LMNTD1: variants seen among roughly 807,000 people sequenced by gnomAD.
LMNTD1 encodes the protein lamin tail domain containing 1, also known as lamin tail domain-containing protein 1.
In LMNTD1, 35 loss-of-function variants were observed where a neutral mutation model predicts 50.9. The ratio of observed to expected loss-of-function variants is 0.69; its 90% CI spans 0.53 to 0.91. The LOEUF (loss-of-function observed/expected upper bound fraction) is 0.91, where lower values mean the gene tolerates loss of function less well. LMNTD1 is among the 40% of genes least tolerant of loss of function. LMNTD1 has a pLI of 0.00. For missense variants in LMNTD1, 470 were observed against 475.5 expected (o/e 0.99, Z 0.11); for synonymous variants, 153 against 161.9 (o/e 0.94, Z 0.42).
intron 8 of LMNTD1, among the ~76,000 whole-genome samples, chr12:25,511,206 C>G (rs1474542922): frequency 6.6e-6 from 1 of 151,958 alleles, no homozygotes; most frequent in Non-Finnish European, 1.5e-5. Context: ...AGCCCTGGCT[C>G]AAAGATACTT....
At chr12:25,639,243 G>C (rs781169159) in intron 1 of LMNTD1, among the ~76,000 whole-genome samples, 3 of 152,146 alleles carry the variant, frequency 2.0e-5, no homozygotes, top group African/African-American at 4.8e-5. Flanking sequence ...AATTGTTGTG[G>C]CTTTGAGTTG....
chr12:25,637,090 A>T (rs1448031621), intron 1 of LMNTD1, among the ~76,000 whole-genome samples: 1 of 152,194 alleles, frequency 6.6e-6, no homozygotes, highest in Admixed American at 6.5e-5. Context: ...ACCACTAAAA[A>T]ACTTGCTCAT....
intron 1 of LMNTD1, among the ~76,000 whole-genome samples, chr12:25,573,554 T>C (rs1235431885): frequency 6.6e-6 from 1 of 152,110 alleles, no homozygotes; most frequent in Non-Finnish European, 1.5e-5. Context: ...CAGGGAAAGA[T>C]GAAAAAACTG....
chr12:25,612,330 G>GCA (rs1484675078), intron 1 of LMNTD1, among the ~76,000 whole-genome samples: 7 of 110,088 alleles, frequency 6.4e-5, no homozygotes, highest in East Asian at 1.0e-3. Context: ...ACACACACAC[G>GCA]CGCTCCCACT....
At chr12:25,507,077 T>C (rs896698193) in intron 8 of LMNTD1, among the ~76,000 whole-genome samples, 5 of 152,036 alleles carry the variant, frequency 3.3e-5, no homozygotes, top group African/African-American at 1.2e-4. Flanking sequence ...GGTTTCACCA[T>C]GTTGGCCAGG....
intron 1 of LMNTD1, among the ~76,000 whole-genome samples, chr12:25,570,888 G>A (rs1327283105): frequency 6.6e-6 from 1 of 152,178 alleles, no homozygotes; most frequent in East Asian, 1.9e-4. Context: ...GGTCCTCTTT[G>A]TTAGTTCAGT....
chr12:25,571,540 T>A (rs1944796950), intron 1 of LMNTD1, among the ~76,000 whole-genome samples: 1 of 152,050 alleles, frequency 6.6e-6, no homozygotes, highest in Non-Finnish European at 1.5e-5. Context: ...ATGTTTTATA[T>A]TTTTAGTAGA....
At chr12:25,620,167 CTG>C (rs985382206) in intron 1 of LMNTD1, among the ~76,000 whole-genome samples, 3 of 152,216 alleles carry the variant, frequency 2.0e-5, no homozygotes, top group African/African-American at 4.8e-5. Flanking sequence ...CCAGAAGAAA[CTG>C]TGTTTTCCCA....
At chr12:25,565,227 A>G (rs186470985) in intron 1 of LMNTD1, among the ~76,000 whole-genome samples, 95 of 151,010 alleles carry the variant, frequency 6.3e-4, no homozygotes, top group African/African-American at 2.3e-3. Flanking sequence ...CTGCCATTTT[A>G]TGTTTTTTTT....
At chr12:25,574,879 T>G (rs1455012636) in intron 1 of LMNTD1, among the ~76,000 whole-genome samples, 1 of 152,142 alleles carries the variant, frequency 6.6e-6, no homozygotes, top group Non-Finnish European at 1.5e-5. Context: ...ACTCACAAAT[T>G]ACATCTTGAT....
At chr12:25,505,598 T>C (rs1939701327) in intron 8 of LMNTD1, among the ~76,000 whole-genome samples, 1 of 152,064 alleles carries the variant, frequency 6.6e-6, no homozygotes, top group Non-Finnish European at 1.5e-5. Flanking sequence ...AATTATTACT[T>C]TTGAATATAC....
chr12:25,483,786 AAG>A (rs1938522891), intron 9 of LMNTD1, among the ~76,000 whole-genome samples: 1 of 145,076 alleles, frequency 6.9e-6, no homozygotes, highest in East Asian at 2.0e-4. Context: ...AAAAAAAAAA[AAG>A]AATGCATAGT....
intron 6 of LMNTD1, 113 bp downstream of exon 6, chr12:25,525,985 GA>G (rs1941678053): frequency 1.5e-6 from 1 of 667,186 alleles, no homozygotes; most frequent in African/African-American, 1.9e-5. Context: ...CAATTTTACT[GA>G]CATTTATGCA....
At chr12:25,513,108 C>T (rs905461207) in intron 8 of LMNTD1, among the ~76,000 whole-genome samples, 1 of 152,140 alleles carries the variant, frequency 6.6e-6, no homozygotes, top group African/African-American at 2.4e-5. Flanking sequence ...GAACATTCCC[C>T]CAAATTTGTG....
chr12:25,519,823 G>T, intron 7 of LMNTD1, 35 bp downstream of exon 7: 1 of 1,379,732 alleles, frequency 7.2e-7, no homozygotes, highest in South Asian at 1.2e-5. Context: ...TTGTGGGAAG[G>T]ACCCATTAAA....
chr12:25,610,312 G>A (rs889546428), intron 1 of LMNTD1, among the ~76,000 whole-genome samples: 4 of 152,076 alleles, frequency 2.6e-5, no homozygotes, highest in Non-Finnish European at 2.9e-5. Flanking sequence ...GCAATATCCC[G>A]TCCTGCTTCA....
At chr12:25,506,480 T>C (rs1236590788) in intron 8 of LMNTD1, among the ~76,000 whole-genome samples, 3 of 152,152 alleles carry the variant, frequency 2.0e-5, no homozygotes, top group African/African-American at 4.8e-5. Flanking sequence ...CAAAATACTA[T>C]CTTCAGACTA....
intron 8 of LMNTD1, 50 bp downstream of exon 8, chr12:25,518,745 G>C (rs1320415864): frequency 6.5e-7 from 1 of 1,532,720 alleles, no homozygotes; most frequent in Non-Finnish European, 9.0e-7. Flanking sequence ...TAACACATGT[G>C]CATGCACACA....
chr12:25,618,160 T>C (rs113664193), intron 1 of LMNTD1, among the ~76,000 whole-genome samples: 1 of 152,222 alleles, frequency 6.6e-6, no homozygotes, highest in African/African-American at 2.4e-5. Context: ...TGTGGTTGTA[T>C]GTGTGTCAGA....
Sources: gnomAD v4.1 joint callset for allele counts (sites outside exome capture counted in the v4.1 genomes callset) on GRCh38, gnomAD v4.1.1 for gene constraint, MANE v1.5 for transcripts, NCBI Gene and HGNC (gene_info 2026-07-23, HGNC 2026-07-21) for gene names.